The following MYO16 variants were observed in gnomAD, a reference collection of about 807,000 sequenced individuals.
MYO16 encodes the protein myosin XVI, also known as unconventional myosin-XVI.
A neutral mutation model predicts 205.3 loss-of-function variants in MYO16; 94 were observed. The ratio of observed to expected loss-of-function variants is 0.46; its 90% CI spans 0.39 to 0.54. The LOEUF is 0.54. Ranked by LOEUF, MYO16 falls within the 20% of genes least tolerant of loss-of-function variation. The pLI, the probability that MYO16 is intolerant of heterozygous loss-of-function variation, is 0.00. For missense variants in MYO16, 2,315 were observed against 2,387.5 expected (o/e 0.97, Z 0.63); for synonymous variants, 988 against 954.0 (o/e 1.04, Z -0.66).
intron 34 of MYO16, among the ~76,000 whole-genome samples, chr13:109,202,518 T>TA (rs1384278071): frequency 6.6e-6 from 1 of 152,194 alleles, no homozygotes; most frequent in Non-Finnish European, 1.5e-5. Context: ...GAGAAGTGTC[T>TA]ACTCAAGTCC....
intron 32 of MYO16, among the ~76,000 whole-genome samples, chr13:109,153,844 G>C (rs1356467043): frequency 1.3e-5 from 2 of 152,186 alleles, no homozygotes; most frequent in African/African-American, 4.8e-5. Flanking sequence ...CCACCGACCT[G>C]CCTGGCCACC....
chr13:108,926,351 G>C (rs1882004739), intron 16 of MYO16, among the ~76,000 whole-genome samples: 1 of 152,116 alleles, frequency 6.6e-6, no homozygotes, highest in Non-Finnish European at 1.5e-5. Flanking sequence ...CCTTTCTGAA[G>C]ATGAAAAAAT....
the MYO16 span, among the ~76,000 whole-genome samples, chr13:108,496,059 C>A: frequency 3.3e-5 from 5 of 152,144 alleles, no homozygotes; most frequent in Non-Finnish European, 5.9e-5. Context: ...GAGGGTGCCC[C>A]GGGTCGGACT....
intron 2 of MYO16, among the ~76,000 whole-genome samples, chr13:108,668,644 G>A (rs1333776259): frequency 6.6e-6 from 1 of 152,112 alleles, no homozygotes; most frequent in Non-Finnish European, 1.5e-5. Context: ...TACGGGGCAG[G>A]GACAGTGCTC....
At chr13:108,787,641 AAAAACAAAACAAAAC>A (rs138724573) in intron 5 of MYO16, among the ~76,000 whole-genome samples, 16 of 151,692 alleles carry the variant, frequency 1.1e-4, no homozygotes, top group South Asian at 8.3e-4. Flanking sequence ...AGGAGTATGC[AAAAACAAAACAAAAC>A]AAAACAAAAC....
At chr13:109,130,432 C>T (rs1876479453) in intron 31 of MYO16, among the ~76,000 whole-genome samples, 2 of 152,206 alleles carry the variant, frequency 1.3e-5, no homozygotes, top group Non-Finnish European at 1.5e-5. Context: ...AAAAGAAAGT[C>T]TTTGATCTCC....
intron 4 of MYO16, among the ~76,000 whole-genome samples, chr13:108,769,123 G>A (rs1403074788): frequency 3.9e-5 from 6 of 152,282 alleles, no homozygotes; most frequent in East Asian, 1.9e-4. Context: ...GTAAACATAT[G>A]TGTGTTTAAA....
At chr13:109,116,455 A>G (rs912692897) in intron 28 of MYO16, among the ~76,000 whole-genome samples, 2 of 151,980 alleles carry the variant, frequency 1.3e-5, no homozygotes, top group African/African-American at 4.8e-5. Context: ...CTTCCCAGCC[A>G]TTATCCCAAT....
At chr13:109,169,031 C>A (rs915979948) in intron 33 of MYO16, among the ~76,000 whole-genome samples, 21 of 152,282 alleles carry the variant, frequency 1.4e-4, no homozygotes, top group African/African-American at 4.6e-4. Flanking sequence ...CCCACCTTGC[C>A]ACCCTTCTGA....
intron 20 of MYO16, among the ~76,000 whole-genome samples, chr13:108,967,155 ATGTGTG>A (rs71204890): frequency 2.4e-5 from 3 of 124,490 alleles, no homozygotes; most frequent in South Asian, 2.3e-4. Context: ...GACTATATAT[ATGTGTG>A]TGTGTGTGTG....
At chr13:109,041,254 A>G (rs1187607053) in intron 23 of MYO16, among the ~76,000 whole-genome samples, 5 of 152,334 alleles carry the variant, frequency 3.3e-5, no homozygotes, top group East Asian at 1.9e-4. Context: ...TGAAGACAAT[A>G]TAGTGTCAAT....
chr13:108,758,690 C>T (rs1049884042), intron 4 of MYO16, among the ~76,000 whole-genome samples: 4 of 152,156 alleles, frequency 2.6e-5, no homozygotes, highest in Admixed American at 1.3e-4. Context: ...TAGAACTCAT[C>T]CTGGGGAGCT....
chr13:108,849,294 G>A (rs1475091436), intron 10 of MYO16, among the ~76,000 whole-genome samples: 3 of 152,056 alleles, frequency 2.0e-5, no homozygotes, highest in African/African-American at 7.2e-5. Flanking sequence ...GGGTTCAAGC[G>A]ATTCTCCTGC....
At chr13:109,040,429 A>G (rs1347260692) in intron 23 of MYO16, among the ~76,000 whole-genome samples, 2 of 98,984 alleles carry the variant, frequency 2.0e-5, no homozygotes, top group African/African-American at 3.5e-5. Context: ...ATTAAAAACA[A>G]AAAACATCCC....
intron 1 of MYO16, among the ~76,000 whole-genome samples, chr13:108,646,798 T>C (rs1328006906): frequency 6.6e-6 from 1 of 152,152 alleles, no homozygotes; most frequent in East Asian, 1.9e-4. Flanking sequence ...GAAAATCACA[T>C]ATTGCAATAT....
At chr13:108,920,240 C>T (rs1321651825) in intron 16 of MYO16, among the ~76,000 whole-genome samples, 1 of 152,138 alleles carries the variant, frequency 6.6e-6, no homozygotes, top group Non-Finnish European at 1.5e-5. Flanking sequence ...GCTCTGAATT[C>T]GCTTCCAAAA....
intron 4 of MYO16, among the ~76,000 whole-genome samples, chr13:108,746,033 C>CA (rs61045585): frequency 0.42 from 62,137 of 148,894 alleles, 12,868 homozygotes; most frequent in East Asian, 0.55. Context: ...TAAAAAAATA[C>CA]AAAAAAAAAA....
the MYO16 span, among the ~76,000 whole-genome samples, chr13:108,510,006 C>A: frequency 6.6e-6 from 1 of 152,174 alleles, no homozygotes; most frequent in African/African-American, 2.4e-5. Context: ...GGGGCTAAAG[C>A]CATGGTCAAG....
chr13:108,724,610 G>A lies in MYO16; in HGVS notation c.364-2830G>A, dbSNP rs146491924. Among the ~76,000 whole-genome samples, 1,082 of 151,136 alleles carry A rather than the reference G, an allele frequency of 7.2e-3. 7 individuals are homozygous for A. The highest frequency in any genetic ancestry group is 0.013 in the Non-Finnish European group (883 of 67,820). ...CCTTCTTTAGGTTTGAGTATTTTTC[G>A]TGATTCAATTTTAACTCTTTAGCGG... On this transcript the variant is annotated intron_variant, in intron 3 of 34. Transcript: ENST00000457511.
Sources: gnomAD v4.1 joint callset for allele counts (sites outside exome capture counted in the v4.1 genomes callset) on GRCh38, gnomAD v4.1.1 for gene constraint, MANE v1.5 for transcripts, NCBI Gene and HGNC (gene_info 2026-07-23, HGNC 2026-07-21) for gene names.